KITLG: variants seen among roughly 807,000 people sequenced by gnomAD.
KITLG encodes the protein KIT ligand, also known as c-Kit ligand.
KITLG carries 13 observed loss-of-function variants against 34.1 expected under a neutral mutation model. That is an observed-to-expected ratio of 0.38 (90% CI 0.25 to 0.61). KITLG has a LOEUF of 0.61. Among genes scored for constraint, KITLG ranks in the 20% least tolerant of loss-of-function variants. The pLI, the probability that KITLG is intolerant of heterozygous loss-of-function variation, is 0.60. For synonymous variants in KITLG, 110 were observed against 104.0 expected (o/e 1.06, Z -0.35); for missense variants, 292 against 318.9 (o/e 0.92, Z 0.64).
At chr12:88,513,023 TTAAAA>T (rs1267183653) in intron 6 of KITLG, among the ~76,000 whole-genome samples, 2 of 151,846 alleles carry the variant, frequency 1.3e-5, no homozygotes, top group African/African-American at 4.8e-5. Context: ...TTCTCTTACT[TTAAAA>T]TACGTATGAC....
At chr12:88,514,541 C>T (rs1489641531) in intron 6 of KITLG, among the ~76,000 whole-genome samples, 1 of 151,506 alleles carries the variant, frequency 6.6e-6, no homozygotes, top group African/African-American at 2.4e-5. Flanking sequence ...CATATACTAT[C>T]CCCAGTGAAT....
chr12:88,543,141 T>A (rs903634190), intron 2 of KITLG, among the ~76,000 whole-genome samples: 1 of 152,192 alleles, frequency 6.6e-6, no homozygotes, highest in Admixed American at 6.5e-5. Context: ...CTTTAAGTTC[T>A]AGGGTACATG....
At chr12:88,580,154 C>T (rs1214644678) in intron 1 of KITLG, 110 bp downstream of exon 1, 5 of 1,174,470 alleles carry the variant, frequency 4.3e-6, no homozygotes, top group Non-Finnish European at 6.2e-6. Flanking sequence ...ACCCGGCAGG[C>T]ACAGCCCTGC....
At chr12:88,576,417 TG>T (rs1437898661) in intron 1 of KITLG, among the ~76,000 whole-genome samples, 1 of 152,206 alleles carries the variant, frequency 6.6e-6, no homozygotes. Flanking sequence ...AGTTTTTCTC[TG>T]GCTTGTAAAA....
At chr12:88,550,017 G>A (rs1870841390) in intron 1 of KITLG, among the ~76,000 whole-genome samples, 1 of 152,116 alleles carries the variant, frequency 6.6e-6, no homozygotes, top group South Asian at 2.1e-4. Context: ...CCACTGGTTT[G>A]GCAACATTAA....
chr12:88,541,740 T>C (rs999373473), intron 2 of KITLG, among the ~76,000 whole-genome samples: 14 of 152,244 alleles, frequency 9.2e-5, no homozygotes, highest in South Asian at 2.1e-4. Context: ...CTATTATGCT[T>C]AGTAAACAGG....
At chr12:88,560,012 T>A (rs1871245800) in intron 1 of KITLG, among the ~76,000 whole-genome samples, 1 of 152,248 alleles carries the variant, frequency 6.6e-6, no homozygotes, top group African/African-American at 2.4e-5. Flanking sequence ...CAGAGAACGT[T>A]ATCAAAGTAA....
intron 1 of KITLG, among the ~76,000 whole-genome samples, chr12:88,558,725 G>T (rs1871184873): frequency 6.6e-6 from 1 of 152,038 alleles, no homozygotes; most frequent in Non-Finnish European, 1.5e-5. Context: ...ATTTCTGAGG[G>T]TGCATCTCAG....
rs1455084762 is a variant in KITLG, at chr12:88,515,636, T to C, written c.521-19A>G. 6.4e-7 allele frequency: 1 copy of C among 1,551,672 alleles called. No individual in the cohort carries two copies. Among genetic ancestry groups the C allele is most frequent in the East Asian group, 2.3e-5 (1 of 44,390 alleles). On this transcript the variant is annotated intron_variant, in intron 5 of 9. Coordinates refer to ENST00000644744, the MANE Select transcript of KITLG (RefSeq NM_000899.5). ...CTGGAATCTAAATAGAAAGCAATAA[T>C]GTGTCAGTGTTATATGGTGATTTGT...
At chr12:88,558,971 A>ATAC (rs1424142690) in intron 1 of KITLG, among the ~76,000 whole-genome samples, 3 of 152,208 alleles carry the variant, frequency 2.0e-5, no homozygotes, top group African/African-American at 7.2e-5. Flanking sequence ...GGTACAGTGT[A>ATAC]TACTACTTGG....
chr12:88,498,902 A>G (rs1043045228), intron 9 of KITLG, among the ~76,000 whole-genome samples: 1 of 152,186 alleles, frequency 6.6e-6, no homozygotes, highest in Non-Finnish European at 1.5e-5. Flanking sequence ...AGAAAGAGAG[A>G]GAGAGAGAAT....
intron 4 of KITLG, among the ~76,000 whole-genome samples, chr12:88,517,877 A>G (rs1227102488): frequency 1.3e-5 from 2 of 152,166 alleles, no homozygotes; most frequent in African/African-American, 2.4e-5. Flanking sequence ...AAGGTACAGA[A>G]TCCTGCTTAA....
chr12:88,532,061 A>G (rs1870113960), intron 3 of KITLG, among the ~76,000 whole-genome samples: 1 of 152,102 alleles, frequency 6.6e-6, no homozygotes, highest in South Asian at 2.1e-4. Context: ...AATAAAGTAT[A>G]CAGAAGAATG....
At chr12:88,520,619 A>T (rs1270612770) in intron 3 of KITLG, among the ~76,000 whole-genome samples, 1 of 152,168 alleles carries the variant, frequency 6.6e-6, no homozygotes, top group East Asian at 1.9e-4. Flanking sequence ...GTTTTGAATT[A>T]AGACATTCCT....
chr12:88,509,795 CAAA>C (rs947542595), intron 6 of KITLG, among the ~76,000 whole-genome samples: 1 of 152,092 alleles, frequency 6.6e-6, no homozygotes, highest in African/African-American at 2.4e-5. Context: ...TGCAGGCAGA[CAAA>C]AAGAACTTTA....
At chr12:88,543,542 C>G (rs986955118) in intron 2 of KITLG, among the ~76,000 whole-genome samples, 1 of 152,088 alleles carries the variant, frequency 6.6e-6, no homozygotes, top group Admixed American at 6.6e-5. Flanking sequence ...GGTTCCAAGT[C>G]TTTGCTATTG....
chr12:88,579,920 C>A (rs1323993444), intron 1 of KITLG, among the ~76,000 whole-genome samples: 3 of 152,216 alleles, frequency 2.0e-5, no homozygotes, highest in Non-Finnish European at 1.5e-5. Context: ...GTCTCCTATG[C>A]AAAGACATGC....
chr12:88,497,583 T>C (rs1184845263), intron 9 of KITLG, among the ~76,000 whole-genome samples: 3 of 152,196 alleles, frequency 2.0e-5, no homozygotes, highest in African/African-American at 7.2e-5. Flanking sequence ...ATGATCTCAG[T>C]TTGTGATAAT....
At chr12:88,509,534 A>T (rs1159054607) in intron 6 of KITLG, among the ~76,000 whole-genome samples, 1 of 152,108 alleles carries the variant, frequency 6.6e-6, no homozygotes, top group East Asian at 1.9e-4. Flanking sequence ...TAAGACTGTG[A>T]GCCAATACAC....
Sources: allele counts gnomAD v4.1 joint callset (sites outside exome capture counted in the v4.1 genomes callset), GRCh38; gene constraint gnomAD v4.1.1; transcripts MANE v1.5; gene names NCBI Gene and HGNC (gene_info 2026-07-23, HGNC 2026-07-21).